The following MKX variants were observed in gnomAD, a reference collection of about 807,000 sequenced individuals.
The protein encoded by MKX is mohawk homeobox, also known as homeobox protein Mohawk.
Under a neutral mutation model 36.0 loss-of-function variants are expected in MKX, and 13 were observed. The ratio of observed to expected loss-of-function variants is 0.36; its 90% CI spans 0.24 to 0.57. The LOEUF is 0.57. Ranked by LOEUF, MKX falls within the 20% of genes least tolerant of loss-of-function variation. The pLI is 0.79. For synonymous variants in MKX, 176 were observed against 178.3 expected, an observed-to-expected ratio of 0.99 and a Z score of 0.10; for missense variants, 458 against 456.4, an observed-to-expected ratio of 1.00 and a Z score of -0.03.
At chr10:27,709,446 C>G (rs1344371105) in intron 5 of MKX, among the ~76,000 whole-genome samples, 3 of 152,046 alleles carry the variant, frequency 2.0e-5, no homozygotes, top group Non-Finnish European at 2.9e-5. Flanking sequence ...ACCAAGCCTC[C>G]CAAGATACAG....
chr10:27,678,172 T>C (rs1231571381), intron 5 of MKX, among the ~76,000 whole-genome samples: 1 of 152,194 alleles, frequency 6.6e-6, no homozygotes. Flanking sequence ...TATTGAGTTC[T>C]ATTCTCCTAT....
intron 5 of MKX, among the ~76,000 whole-genome samples, chr10:27,716,436 C>CAAAAAAAAAA (rs56913373): frequency 2.3e-5 from 3 of 127,672 alleles, no homozygotes; most frequent in Non-Finnish European, 3.2e-5. Flanking sequence ...AAAAAAAAAG[C>CAAAAAAAAAA]AAAAAAAAAA....
intron 5 of MKX, among the ~76,000 whole-genome samples, chr10:27,713,694 A>G (rs1181405551): frequency 6.6e-6 from 1 of 152,156 alleles, no homozygotes; most frequent in Non-Finnish European, 1.5e-5. Flanking sequence ...TTTCTACAGT[A>G]CACAGTGCAA....
At chr10:27,727,966 GA>G (rs1278809271) in intron 5 of MKX, among the ~76,000 whole-genome samples, 2 of 152,196 alleles carry the variant, frequency 1.3e-5, no homozygotes, top group Non-Finnish European at 2.9e-5. Flanking sequence ...GGACTTATGT[GA>G]AATACCTCAT....
At position 27,676,203 on chromosome 10, in the gene MKX, G is replaced by C. The variant is rs556532357; in HGVS notation, c.839-649C>G. ...GTGGGAGGATTGCTTGAGCCCAGGGGGGTGAAGGTGCAGTAAGCAGTGATT... is the reference window on the plus strand; with the variant it reads ...GTGGGAGGATTGCTTGAGCCCAGGGCGGTGAAGGTGCAGTAAGCAGTGATT... On this transcript the variant is annotated intron_variant, in intron 5 of 6. Transcript: ENST00000419761. 2.0e-5 allele frequency among the ~76,000 whole-genome samples: 3 copies of C among 151,796 alleles called. No homozygotes were observed. In the East Asian group the frequency reaches 5.9e-4, roughly 30 times the overall value.
chr10:27,716,567 C>T (rs926190520), intron 5 of MKX, among the ~76,000 whole-genome samples: 1 of 151,878 alleles, frequency 6.6e-6, no homozygotes, highest in African/African-American at 2.4e-5. Flanking sequence ...AAAGAGAACA[C>T]GTGTTTTCTG....
chr10:27,724,122 A>G (rs1204287981), intron 5 of MKX, among the ~76,000 whole-genome samples: 1 of 152,194 alleles, frequency 6.6e-6, no homozygotes, highest in Non-Finnish European at 1.5e-5. Flanking sequence ...ATTTAAATGA[A>G]AACTGATCAA....
intron 5 of MKX, among the ~76,000 whole-genome samples, chr10:27,696,160 C>T (rs1836550386): frequency 6.6e-6 from 1 of 152,130 alleles, no homozygotes; most frequent in African/African-American, 2.4e-5. Context: ...GATTTGGGAC[C>T]TCCGATATTG....
At chr10:27,743,096 G>T in intron 2 of MKX, 132 bp downstream of exon 2, 1 of 832,794 alleles carries the variant, frequency 1.2e-6, no homozygotes, top group South Asian at 2.6e-5. Flanking sequence ...TGGAGGGGCA[G>T]ACCTGCACTC....
intron 5 of MKX, among the ~76,000 whole-genome samples, chr10:27,677,544 T>C (rs1250736567): frequency 6.6e-6 from 1 of 152,178 alleles, no homozygotes; most frequent in Non-Finnish European, 1.5e-5. Context: ...CAAGCTTCGA[T>C]GCCCTCTCTG....
At chr10:27,698,906 C>T (rs1172415176) in intron 5 of MKX, among the ~76,000 whole-genome samples, 1 of 151,994 alleles carries the variant, frequency 6.6e-6, no homozygotes, top group Non-Finnish European at 1.5e-5. Context: ...TAAATCTAAC[C>T]ACAGTATAAT....
chr10:27,676,977 C>T (rs1031446155), intron 5 of MKX, among the ~76,000 whole-genome samples: 8 of 152,142 alleles, frequency 5.3e-5, no homozygotes, highest in Non-Finnish European at 1.0e-4. Context: ...AATGGGTTCT[C>T]AAGCTCCTTA....
At chr10:27,719,475 C>G (rs1834327552) in intron 5 of MKX, among the ~76,000 whole-genome samples, 1 of 152,202 alleles carries the variant, frequency 6.6e-6, no homozygotes, top group South Asian at 2.1e-4. Context: ...CATAAAGCTG[C>G]TACAAATGCT....
rs1392096118 is a variant in MKX, at chr10:27,673,812, GA to G, written c.*1416del. 1 of 151,838 alleles carries G rather than the reference GA, an allele frequency of 6.6e-6. No individual in the cohort carries two copies. Among genetic ancestry groups the G allele is most frequent in the African/African-American group, 2.4e-5 (1 of 41,218 alleles). 9.4% of individuals were successfully genotyped at this position (151,838 alleles called of 1,614,324 possible). A position where few individuals can be genotyped will look rare whatever the true frequency, so the allele number is the denominator to read the frequency against. ...TTTTAAAAGCATTTTGCAAAATAAA[GA>G]AAAATGTCACCACTGGCTGCACTAT... On this transcript the variant is annotated 3_prime_UTR_variant, in exon 7 of 7. Transcript: ENST00000419761.
rs545503114 is a variant in MKX, at chr10:27,675,761, G to A, written c.839-207C>T. Among the ~76,000 whole-genome samples the A allele has an allele frequency of 2.6e-5, 4 of 152,288 alleles. No homozygotes were observed. In the East Asian group the frequency reaches 7.7e-4, roughly 29 times the overall value. ...AAGTAAGATGACAGTGGGTAGTAAA[G>A]AATAAAAGGTAGCTCTCATAGATAC... On this transcript the variant is annotated intron_variant, in intron 5 of 6. Transcript: ENST00000419761.
chr10:27,679,165 A>C (rs1351307031), intron 5 of MKX, among the ~76,000 whole-genome samples: 6 of 152,334 alleles, frequency 3.9e-5, no homozygotes, highest in Admixed American at 3.9e-4. Context: ...AGAAATACCT[A>C]ATGTAAATGA....
intron 5 of MKX, among the ~76,000 whole-genome samples, chr10:27,682,352 GA>G (rs1263947144): frequency 2.6e-5 from 4 of 152,060 alleles, no homozygotes; most frequent in Admixed American, 6.5e-5. Context: ...TATTGTAGAA[GA>G]AAAAAATTTT....
At chr10:27,733,942 A>T (rs1283806579) in intron 5 of MKX, among the ~76,000 whole-genome samples, 1 of 152,224 alleles carries the variant, frequency 6.6e-6, no homozygotes, top group African/African-American at 2.4e-5. Flanking sequence ...CTTTCACAAA[A>T]GCTTGACACC....
chr10:27,725,871 G>A (rs773985236), intron 5 of MKX, among the ~76,000 whole-genome samples: 21 of 152,082 alleles, frequency 1.4e-4, no homozygotes, highest in South Asian at 2.1e-4. Context: ...TGGGAGTTAC[G>A]TGCTTATATT....
Sources: allele counts gnomAD v4.1 joint callset (sites outside exome capture counted in the v4.1 genomes callset), GRCh38; gene constraint gnomAD v4.1.1; transcripts MANE v1.5; gene names NCBI Gene and HGNC (gene_info 2026-07-23, HGNC 2026-07-21).